Variants in DDAH1 observed in about 807,000 individuals in gnomAD.
DDAH1 encodes dimethylarginine dimethylaminohydrolase 1.
In DDAH1, 19 loss-of-function variants were observed where a neutral mutation model predicts 28.8. That is an observed-to-expected ratio of 0.66 (90% CI 0.46 to 0.97). The LOEUF (loss-of-function observed/expected upper bound fraction) is 0.97, where lower values mean the gene tolerates loss of function less well. Ranked by LOEUF, DDAH1 falls within the 50% of genes least tolerant of loss-of-function variation. The probability of loss-of-function intolerance (pLI) is 0.00; values close to 1 mark genes in which losing one functional copy is unlikely to be tolerated. For synonymous variants in DDAH1, 153 were observed against 154.4 expected (o/e 0.99, Z 0.07); for missense variants, 326 against 375.9 (o/e 0.87, Z 1.10).
intron 1 of DDAH1, among the ~76,000 whole-genome samples, chr1:85,571,587 T>C (rs895308261): frequency 1.3e-5 from 2 of 152,224 alleles, no homozygotes; most frequent in African/African-American, 2.4e-5. Context: ...TTATTCCTCT[T>C]TGCATTGCTG....
At chr1:85,325,779 C>T (rs1647354001) in intron 4 of DDAH1, among the ~76,000 whole-genome samples, 1 of 152,152 alleles carries the variant, frequency 6.6e-6, no homozygotes, top group South Asian at 2.1e-4. Flanking sequence ...AAAAACAACA[C>T]TCCTCCCCCT....
chr1:85,533,680 G>A (rs1338626678), intron 1 of DDAH1, among the ~76,000 whole-genome samples: 1 of 152,258 alleles, frequency 6.6e-6, no homozygotes, highest in East Asian at 1.9e-4. Flanking sequence ...CAAAGCCTTA[G>A]AGTCCCATAG....
At chr1:85,572,505 A>C (rs1659489649) in intron 1 of DDAH1, among the ~76,000 whole-genome samples, 1 of 152,192 alleles carries the variant, frequency 6.6e-6, no homozygotes, top group Non-Finnish European at 1.5e-5. Flanking sequence ...GCAAAGCTTC[A>C]ATTTTCTCAT....
chr1:85,547,607 C>T (rs1321544925), intron 1 of DDAH1, among the ~76,000 whole-genome samples: 1 of 152,204 alleles, frequency 6.6e-6, no homozygotes, highest in African/African-American at 2.4e-5. Flanking sequence ...ATTCCATCAA[C>T]TACATTATAA....
At chr1:85,401,480 TTTC>T (rs1410034801) in intron 1 of DDAH1, among the ~76,000 whole-genome samples, 3 of 143,628 alleles carry the variant, frequency 2.1e-5, no homozygotes, top group African/African-American at 5.1e-5. Flanking sequence ...AGACGCAGCT[TTTC>T]TTTTTTCTTT....
intron 1 of DDAH1, among the ~76,000 whole-genome samples, chr1:85,433,651 G>A (rs940473990): frequency 6.6e-6 from 1 of 152,130 alleles, no homozygotes; most frequent in Admixed American, 6.5e-5. Flanking sequence ...TCAAGCTTGT[G>A]TATTTTTCTA....
chr1:85,576,079 A>AT (rs1162387644), intron 1 of DDAH1, among the ~76,000 whole-genome samples: 10 of 129,322 alleles, frequency 7.7e-5, no homozygotes, highest in South Asian at 2.3e-4. Context: ...AATAAATAAA[A>AT]TTTAAAAAAA....
At chr1:85,452,951 G>A (rs1481927938) in intron 1 of DDAH1, among the ~76,000 whole-genome samples, 1 of 152,196 alleles carries the variant, frequency 6.6e-6, no homozygotes, top group Admixed American at 6.5e-5. Context: ...CACAAGCAGA[G>A]CACTGTTAGA....
chr1:85,337,494 C>T (rs1393918379), intron 4 of DDAH1, among the ~76,000 whole-genome samples: 1 of 151,192 alleles, frequency 6.6e-6, no homozygotes, highest in Non-Finnish European at 1.5e-5. Flanking sequence ...CACTCTGTCA[C>T]CCAGGCTGGA....
At chr1:85,442,727 G>A (rs949566200) in intron 1 of DDAH1, among the ~76,000 whole-genome samples, 1 of 152,154 alleles carries the variant, frequency 6.6e-6, no homozygotes, top group African/African-American at 2.4e-5. Context: ...CATTCTAACT[G>A]GTGTGAGATG....
At chr1:85,490,025 A>G (rs767743545) in intron 2 of DDAH1, among the ~76,000 whole-genome samples, 1 of 152,160 alleles carries the variant, frequency 6.6e-6, no homozygotes, top group Non-Finnish European at 1.5e-5. Context: ...TTCAAGAGGT[A>G]GGCTTGTGGT....
chr1:85,348,203 T>A (rs917061723), intron 4 of DDAH1, among the ~76,000 whole-genome samples: 2 of 152,118 alleles, frequency 1.3e-5, no homozygotes, highest in African/African-American at 4.8e-5. Context: ...TTAACAGATG[T>A]GGTCTGAGAG....
chr1:85,331,423 GTA>G (rs138000758), intron 4 of DDAH1, among the ~76,000 whole-genome samples: 28 of 148,476 alleles, frequency 1.9e-4, no homozygotes, highest in Admixed American at 2.7e-4. Context: ...ATTCATATAT[GTA>G]TATATATATA....
chr1:85,476,253 A>G (rs1248260752), intron 2 of DDAH1, among the ~76,000 whole-genome samples: 2 of 152,078 alleles, frequency 1.3e-5, no homozygotes, highest in Non-Finnish European at 2.9e-5. Context: ...TCATGCATTT[A>G]CTTTTCTTAC....
At chr1:85,347,772 G>GA (rs5775836) in intron 4 of DDAH1, among the ~76,000 whole-genome samples, 55,232 of 151,818 alleles carry the variant, frequency 0.36, 10,181 homozygotes, top group South Asian at 0.42. Context: ...AATAAAAAAA[G>GA]AAAAAATAAT....
intron 2 of DDAH1, among the ~76,000 whole-genome samples, chr1:85,488,617 T>C (rs965318892): frequency 4.6e-5 from 7 of 152,178 alleles, no homozygotes; most frequent in Admixed American, 3.9e-4. Context: ...TATAGACATA[T>C]AAAGAGCTTC....
chr1:85,452,999 G>A (rs146842769), intron 1 of DDAH1, among the ~76,000 whole-genome samples: 1 of 152,288 alleles, frequency 6.6e-6, no homozygotes, highest in Non-Finnish European at 1.5e-5. Context: ...GTGTGTGTGT[G>A]TATGTTATAA....
intron 1 of DDAH1, among the ~76,000 whole-genome samples, chr1:85,386,854 ATCACC>A (rs981695203): frequency 1.2e-4 from 19 of 152,218 alleles, no homozygotes; most frequent in Non-Finnish European, 2.1e-4. Context: ...CCAAGCCTCC[ATCACC>A]CTTGCATTCT....
At position 85,319,802 on chromosome 1, in the gene DDAH1, A is replaced by G. The variant is rs1434538785; in HGVS notation, c.*1650T>C. On this transcript the variant is annotated 3_prime_UTR_variant, in exon 6 of 6. Transcript: ENST00000284031. ...AAAAAAACTTTTGCAAATTTCTGAC[A>G]TAAAATAATCAAATAAAAGGGAAAG... 2 of 152,242 alleles carry G rather than the reference A, an allele frequency of 1.3e-5. No homozygotes were observed. The highest frequency in any genetic ancestry group is 4.8e-5 in the African/African-American group (2 of 41,466). 9.4% of individuals were successfully genotyped at this position (152,242 alleles called of 1,614,324 possible). A position where few individuals can be genotyped will look rare whatever the true frequency, so the allele number is the denominator to read the frequency against.
Sources: gnomAD v4.1 joint callset for allele counts (sites outside exome capture counted in the v4.1 genomes callset) on GRCh38, gnomAD v4.1.1 for gene constraint, MANE v1.5 for transcripts, NCBI Gene and HGNC (gene_info 2026-07-23, HGNC 2026-07-21) for gene names.